GRID1: variants seen among roughly 807,000 people sequenced by gnomAD.
GRID1 encodes the protein glutamate ionotropic receptor delta type subunit 1, also known as glutamate receptor ionotropic, delta-1.
Under a neutral mutation model 98.0 loss-of-function variants are expected in GRID1, and 28 were observed. The observed-to-expected ratio is 0.29, with a 90% CI of 0.21 to 0.39. The LOEUF is 0.39. Ranked by LOEUF, GRID1 falls within the 10% of genes least tolerant of loss-of-function variation. GRID1 has a pLI of 1.00. For missense variants in GRID1, 1,111 were observed against 1,340.5 expected (o/e 0.83, Z 2.67); for synonymous variants, 553 against 538.5 (o/e 1.03, Z -0.37).
intron 2 of GRID1, among the ~76,000 whole-genome samples, chr10:86,237,128 C>T (rs753720327): frequency 1.4e-4 from 22 of 152,276 alleles, no homozygotes; most frequent in East Asian, 7.7e-4. Flanking sequence ...TTTCTCACTA[C>T]GCTCCTGGGA....
chr10:85,754,724 C>T (rs984295447), intron 8 of GRID1, among the ~76,000 whole-genome samples: 4 of 152,164 alleles, frequency 2.6e-5, no homozygotes, highest in African/African-American at 9.7e-5. Context: ...GACAACAAGG[C>T]ATAATAAATA....
chr10:85,908,421 T>A (rs564183769), intron 5 of GRID1, among the ~76,000 whole-genome samples: 2 of 152,344 alleles, frequency 1.3e-5, no homozygotes, highest in South Asian at 4.1e-4. Flanking sequence ...TAAAATTTGT[T>A]TTAAACTATA....
At chr10:85,899,153 G>A (rs1174877149) in intron 5 of GRID1, among the ~76,000 whole-genome samples, 1 of 152,214 alleles carries the variant, frequency 6.6e-6, no homozygotes, top group African/African-American at 2.4e-5. Flanking sequence ...AAGTGTATAA[G>A]TGAGGTCATG....
intron 4 of GRID1, among the ~76,000 whole-genome samples, chr10:86,046,620 T>C (rs564679670): frequency 3.0e-4 from 45 of 152,308 alleles, no homozygotes; most frequent in African/African-American, 9.6e-4. Flanking sequence ...CTAATAAAGA[T>C]TGGATATAAC....
At chr10:86,054,428 C>T (rs1197276845) in intron 4 of GRID1, among the ~76,000 whole-genome samples, 1 of 152,158 alleles carries the variant, frequency 6.6e-6, no homozygotes, top group South Asian at 2.1e-4. Context: ...ATTTAGGCAA[C>T]AAATTTAGGC....
At chr10:85,893,151 A>G (rs531148106) in intron 5 of GRID1, among the ~76,000 whole-genome samples, 12 of 152,204 alleles carry the variant, frequency 7.9e-5, no homozygotes, top group Admixed American at 2.6e-4. Context: ...ATCTCAATAG[A>G]TGCACAAAAA....
At chr10:85,936,161 G>A (rs987095912) in intron 4 of GRID1, among the ~76,000 whole-genome samples, 1 of 152,190 alleles carries the variant, frequency 6.6e-6, no homozygotes, top group Non-Finnish European at 1.5e-5. Context: ...AAGGTTTCTT[G>A]GAACAGATGA....
chr10:86,044,112 T>C (rs969382711), intron 4 of GRID1, among the ~76,000 whole-genome samples: 1 of 152,208 alleles, frequency 6.6e-6, no homozygotes, highest in Non-Finnish European at 1.5e-5. Flanking sequence ...CTGCTCAAGA[T>C]AGCAGGGTTT....
At chr10:86,144,044 A>C (rs1183015301) in intron 3 of GRID1, among the ~76,000 whole-genome samples, 1 of 151,910 alleles carries the variant, frequency 6.6e-6, no homozygotes, top group Non-Finnish European at 1.5e-5. Context: ...CTCACTGAGC[A>C]CTCTGTGTCT....
At chr10:86,168,396 T>G (rs1295632116) in intron 3 of GRID1, among the ~76,000 whole-genome samples, 1 of 151,968 alleles carries the variant, frequency 6.6e-6, no homozygotes, top group Non-Finnish European at 1.5e-5. Flanking sequence ...CCCGCCCTCG[T>G]GCACTGCACT....
chr10:85,626,025 A>C (rs182883840), intron 13 of GRID1, among the ~76,000 whole-genome samples: 1 of 152,304 alleles, frequency 6.6e-6, no homozygotes, highest in African/African-American at 2.4e-5. Flanking sequence ...GCTCCCCCCA[A>C]ATGAGAATGC....
intron 2 of GRID1, among the ~76,000 whole-genome samples, chr10:86,362,782 C>T (rs1453895655): frequency 6.6e-6 from 1 of 152,236 alleles, no homozygotes; most frequent in Admixed American, 6.5e-5. Context: ...GGGAGACTAG[C>T]AACCCATGTG....
chr10:85,955,959 T>C (rs1490482674), intron 4 of GRID1, among the ~76,000 whole-genome samples: 2 of 152,202 alleles, frequency 1.3e-5, no homozygotes, highest in South Asian at 2.1e-4. Context: ...GGATGTGACA[T>C]TCACAGTAAT....
At chr10:86,139,528 ACAGCCTGTATCATGGCACCC>A in intron 3 of GRID1, among the ~76,000 whole-genome samples, 1 of 152,156 alleles carries the variant, frequency 6.6e-6, no homozygotes, top group East Asian at 1.9e-4. Flanking sequence ...CTGCCAACGC[ACAGCCTGTATCATGGCACCC>A]CAGCCTGCAT....
intron 4 of GRID1, among the ~76,000 whole-genome samples, chr10:86,107,000 C>G (rs1336419981): frequency 6.6e-6 from 1 of 152,110 alleles, no homozygotes; most frequent in African/African-American, 2.4e-5. Context: ...GTGACAGAAT[C>G]CAGACTCCTG....
intron 5 of GRID1, among the ~76,000 whole-genome samples, chr10:85,881,211 T>C (rs1052641653): frequency 1.1e-4 from 16 of 152,282 alleles, no homozygotes; most frequent in African/African-American, 3.8e-4. Context: ...AGGTAATTTA[T>C]AGATTCAATG....
chr10:85,794,028 A>T lies in GRID1; in HGVS notation c.1233+60468T>A, dbSNP rs147450692. Among the ~76,000 whole-genome samples, 3 of 152,312 alleles carry T rather than the reference A, an allele frequency of 2.0e-5. No individual in the cohort carries two copies. In the East Asian group the frequency reaches 5.8e-4, roughly 29 times the overall value. On this transcript the variant is annotated intron_variant, in intron 8 of 15. Coordinates refer to ENST00000327946, the MANE Select transcript of GRID1 (RefSeq NM_017551.3). ...AGATTTAACATGCAGCATTTCCCAT[A>T]CTTAGTTCTCTCCGGGGTCTTTCCT...
At chr10:86,166,318 T>C (rs1200097546) in intron 3 of GRID1, among the ~76,000 whole-genome samples, 1 of 152,116 alleles carries the variant, frequency 6.6e-6, no homozygotes, top group African/African-American at 2.4e-5. Context: ...AGGGCTAATA[T>C]CCAGAATCTA....
At chr10:86,069,100 T>G (rs1456002239) in intron 4 of GRID1, among the ~76,000 whole-genome samples, 1 of 151,920 alleles carries the variant, frequency 6.6e-6, no homozygotes, top group African/African-American at 2.4e-5. Flanking sequence ...GGACTGAGGA[T>G]GGGCCAGGGA....
Sources: allele counts gnomAD v4.1 joint callset (sites outside exome capture counted in the v4.1 genomes callset), GRCh38; gene constraint gnomAD v4.1.1; transcripts MANE v1.5; gene names NCBI Gene and HGNC (gene_info 2026-07-23, HGNC 2026-07-21).